Variants in NAALAD2 observed in about 807,000 individuals in gnomAD.
The protein encoded by NAALAD2 is N-acetylated alpha-linked acidic dipeptidase 2, also known as N-acetylated-alpha-linked acidic dipeptidase 2.
Under a neutral mutation model 95.6 loss-of-function variants are expected in NAALAD2, and 89 were observed. That is an observed-to-expected ratio of 0.93 (90% CI 0.78 to 1.11). NAALAD2 has a LOEUF of 1.11. NAALAD2 is among the 50% of genes least tolerant of loss of function. The pLI, the probability that NAALAD2 is intolerant of heterozygous loss-of-function variation, is 0.00. For missense variants in NAALAD2, 894 were observed against 872.4 expected (o/e 1.02, Z -0.31); for synonymous variants, 264 against 294.4 (o/e 0.90, Z 1.06).
chr11:90,186,896 A>C (rs1857161597), intron 18 of NAALAD2, among the ~76,000 whole-genome samples: 4 of 135,894 alleles, frequency 2.9e-5, no homozygotes, highest in Admixed American at 1.6e-4. Context: ...GGCAACCTAC[A>C]AAATGGGAGA....
Position 90,147,523 on chromosome 11 carries a change from G to A in NAALAD2, c.381+7G>A. On this transcript the variant is annotated splice_region_variant and intron_variant, in intron 3 of 18. Transcript: ENST00000534061. ...GGATGAACATGAAACTGAGGTATGT[G>A]AAATTGTTGGTACTTTTTATATTTT... 1 of 1,592,030 alleles carries A rather than the reference G, an allele frequency of 6.3e-7. No homozygotes were observed. The highest frequency in any genetic ancestry group is 1.4e-5 in the African/African-American group (1 of 74,062).
At chr11:90,155,821 T>G (rs1490787803) in intron 6 of NAALAD2, among the ~76,000 whole-genome samples, 4 of 114,974 alleles carry the variant, frequency 3.5e-5, no homozygotes, top group African/African-American at 1.5e-4. Context: ...ATATAATATA[T>G]ATGTAATATA....
chr11:90,144,853 G>A (rs1951713196), intron 2 of NAALAD2, among the ~76,000 whole-genome samples: 1 of 151,946 alleles, frequency 6.6e-6, no homozygotes, highest in Admixed American at 6.6e-5. Flanking sequence ...AATGAACACA[G>A]CAGAAGAGTT....
chr11:90,182,936 T>C lies in NAALAD2; in HGVS notation c.1961T>C (p.Met654Thr), dbSNP rs761361384. Residue 654 changes from methionine to threonine, a missense_variant, in exon 18 of 19, where the codon ATG becomes ACG. Met to Thr is a moderately conservative substitution (Grantham distance 81). Transcript: ENST00000534061. ...CGAAGTCCCATTGCAGTGAGAATGA[T>C]GAATGACCAACTGATGCTCCTGGAA... is the stretch of plus-strand genomic sequence containing the variant. ...DLNNPIAVRM[M>T]NDQLMLLERA... 3 of 1,611,544 alleles carry C rather than the reference T, an allele frequency of 1.9e-6. No individual in the cohort carries two copies. The highest frequency in any genetic ancestry group is 2.5e-6 in the Non-Finnish European group (3 of 1,178,180).
At chr11:90,172,102 G>GT (rs1305227296) in intron 13 of NAALAD2, among the ~76,000 whole-genome samples, 1 of 152,134 alleles carries the variant, frequency 6.6e-6, no homozygotes, top group Non-Finnish European at 1.5e-5. Flanking sequence ...AATGAAGAGG[G>GT]TTTTACTGGG....
At chr11:90,146,798 C>G (rs879537183) in intron 2 of NAALAD2, among the ~76,000 whole-genome samples, 1 of 152,010 alleles carries the variant, frequency 6.6e-6, no homozygotes, top group Non-Finnish European at 1.5e-5. Context: ...ATTCAGCAAG[C>G]CTGTACATTT....
chr11:90,155,380 TTA>T (rs1390483458), intron 6 of NAALAD2, among the ~76,000 whole-genome samples: 2,616 of 85,822 alleles, frequency 0.03, 32 homozygotes, highest in East Asian at 0.084. Context: ...ATATTACATA[TTA>T]TACATGTAAT....
rs548595326 is a variant in NAALAD2, at chr11:90,137,062, T to C, written c.194+1392T>C. Reference sequence around the variant, plus strand: ...AGAAATCCTATCATTTGTAGCAAAATGAATGGAACTAAATGTCATTATATT... The same window carrying C: ...AGAAATCCTATCATTTGTAGCAAAACGAATGGAACTAAATGTCATTATATT... On this transcript the variant is annotated intron_variant, in intron 2 of 18. Coordinates refer to ENST00000534061, the MANE Select transcript of NAALAD2 (RefSeq NM_005467.4). 1.6e-4 allele frequency among the ~76,000 whole-genome samples: 25 copies of C among 152,218 alleles called. 1 individual carries two copies. The South Asian group carries it at 2.9e-3, about 18-fold the overall frequency.
In NAALAD2 at chr11:90,169,626, C is replaced by T. The variant is rs184644052; in HGVS notation, c.1343-443C>T. 10 of 160,704 alleles carry T rather than the reference C, an allele frequency of 6.2e-5. No homozygotes were observed. In the East Asian group the frequency reaches 1.5e-3, roughly 24 times the overall value. The allele number at this position is 160,704 out of a possible 1,614,324, so 10.0% of individuals were successfully genotyped here. On this transcript the variant is annotated intron_variant, in intron 12 of 18. Coordinates refer to ENST00000534061, the MANE Select transcript of NAALAD2 (RefSeq NM_005467.4). ...GTATGATTCAGAAAATGAAGAGATT[C>T]GTGTCTCTAGGCTTTCATTGCATTG...
chr11:90,180,822 TAA>T (rs1464324983), intron 16 of NAALAD2, among the ~76,000 whole-genome samples: 4 of 152,108 alleles, frequency 2.6e-5, no homozygotes, highest in Admixed American at 2.0e-4. Flanking sequence ...AAAAACCCAT[TAA>T]GTTTCAAAAA....
chr11:90,132,783 A>T (rs1951372261), upstream of NAALAD2, among the ~76,000 whole-genome samples: 1 of 152,300 alleles, frequency 6.6e-6, no homozygotes, highest in Middle Eastern at 3.4e-3. Flanking sequence ...GTGTGTATGC[A>T]TATAAGGGGG....
chr11:90,152,152 G>A (rs1461231915), intron 5 of NAALAD2, 146 bp from the exon 6 acceptor site: 1 of 657,030 alleles, frequency 1.5e-6, no homozygotes, highest in Non-Finnish European at 2.3e-6. Flanking sequence ...GGGAAATTGT[G>A]TTCAAAGCCA....
In NAALAD2 at chr11:90,158,378, T is replaced by G; in HGVS notation, c.890+140T>G. 3 of 593,326 alleles carry G rather than the reference T, an allele frequency of 5.1e-6. No individual in the cohort carries two copies. The South Asian group carries it at 6.7e-5, about 13-fold the overall frequency. The allele number at this position is 593,326 out of a possible 1,614,324, so 36.8% of individuals were successfully genotyped here. On this transcript the variant is annotated intron_variant, in intron 7 of 18. Transcript: ENST00000534061. Reference sequence around the variant, plus strand: ...CTCCTGAAATAGGAATAACAGAGTATACTATCTTTTTATTTCATAAAAGTA... The same window carrying G: ...CTCCTGAAATAGGAATAACAGAGTAGACTATCTTTTTATTTCATAAAAGTA...
intron 13 of NAALAD2, among the ~76,000 whole-genome samples, chr11:90,172,767 A>G (rs1952679118): frequency 6.6e-6 from 1 of 152,154 alleles, no homozygotes; most frequent in African/African-American, 2.4e-5. Flanking sequence ...TTCAGTGCTT[A>G]GTAAATATCT....
intron 14 of NAALAD2, 30 bp from the exon 15 acceptor site, chr11:90,175,942 G>GTGTGTGTA (rs1363326983): frequency 7.7e-7 from 1 of 1,292,988 alleles, no homozygotes; most frequent in Admixed American, 1.7e-5. Flanking sequence ...GTGTGTGTGT[G>GTGTGTGTA]TGTGTGTGTG....
At chr11:90,147,195 G>A (rs2134854159) in intron 2 of NAALAD2, 135 bp from the exon 3 acceptor site, 2 of 659,520 alleles carry the variant, frequency 3.0e-6, no homozygotes, top group Non-Finnish European at 2.5e-6. Flanking sequence ...GGTAGCATTA[G>A]CTGTGTTTCT....
chr11:90,149,070 C>A lies in NAALAD2; in HGVS notation c.446C>A (p.Pro149Gln), dbSNP rs1378168675. The A allele has an allele frequency of 6.2e-7, 1 of 1,605,692 alleles. No individual in the cohort carries two copies. The highest frequency in any genetic ancestry group is 2.2e-5 in the East Asian group (1 of 44,502). ...TATGAGAATGTTACAAATATTGTGC[C>A]ACCATATAATGCTTTCTCAGCCCAA... ...DGYENVTNIV[P>Q]PYNAFSAQGM... The change falls in exon 4 of 19, where the codon CCA becomes CAA. Residue 149 changes from proline to glutamine, a missense_variant. Physicochemically the swap from Pro to Gln is moderately conservative, Grantham distance 76. Coordinates refer to ENST00000534061, the MANE Select transcript of NAALAD2 (RefSeq NM_005467.4).
intron 14 of NAALAD2, among the ~76,000 whole-genome samples, chr11:90,175,679 A>G (rs1952769075): frequency 1.3e-5 from 2 of 152,148 alleles, no homozygotes; most frequent in Admixed American, 6.6e-5. Flanking sequence ...TCATCACAAG[A>G]TGCAGTCTTT....
At chr11:90,176,458 G>T (rs1351772139) in intron 15 of NAALAD2, among the ~76,000 whole-genome samples, 1 of 152,170 alleles carries the variant, frequency 6.6e-6, no homozygotes, top group African/African-American at 2.4e-5. Context: ...ATTAGGGTAA[G>T]ATTCATTATT....
Sources: allele counts gnomAD v4.1 joint callset (sites outside exome capture counted in the v4.1 genomes callset), GRCh38; gene constraint gnomAD v4.1.1; transcripts MANE v1.5; gene names NCBI Gene and HGNC (gene_info 2026-07-23, HGNC 2026-07-21).